Variants in BAZ1B observed in about 807,000 individuals in gnomAD.
The protein encoded by BAZ1B is bromodomain adjacent to zinc finger domain 1B.
A neutral mutation model predicts 153.8 loss-of-function variants in BAZ1B; 22 were observed. That is an observed-to-expected ratio of 0.14 (90% CI 0.10 to 0.20). The LOEUF is 0.20. Ranked by LOEUF, BAZ1B falls within the 10% of genes least tolerant of loss-of-function variation. The pLI, the probability that BAZ1B is intolerant of heterozygous loss-of-function variation, is 1.00. For missense variants in BAZ1B, 1,325 were observed against 1,799.3 expected (o/e 0.74, Z 4.77); for synonymous variants, 676 against 633.4 (o/e 1.07, Z -1.01).
chr7:73,456,329 G>T (rs554541884), intron 13 of BAZ1B, among the ~76,000 whole-genome samples: 1 of 152,296 alleles, frequency 6.6e-6, no homozygotes, highest in Admixed American at 6.5e-5. Context: ...CAAATGAAAT[G>T]CTTGTATGCA....
intron 5 of BAZ1B, among the ~76,000 whole-genome samples, chr7:73,490,299 A>G (rs1454146944): frequency 6.6e-6 from 1 of 152,236 alleles, no homozygotes; most frequent in African/African-American, 2.4e-5. Flanking sequence ...TGTTTAGCAC[A>G]CAATAAATGA....
intron 13 of BAZ1B, among the ~76,000 whole-genome samples, chr7:73,455,175 G>A (rs1399538657): frequency 1.3e-5 from 2 of 151,714 alleles, no homozygotes; most frequent in Non-Finnish European, 2.9e-5. Context: ...GTGAGCCACC[G>A]CACCTGGTCC....
intron 6 of BAZ1B, among the ~76,000 whole-genome samples, chr7:73,479,421 T>C (rs762527258): frequency 6.6e-5 from 10 of 150,722 alleles, no homozygotes; most frequent in South Asian, 4.2e-4. Context: ...AGGCTCGAAA[T>C]TGCTTGAACC....
intron 13 of BAZ1B, among the ~76,000 whole-genome samples, chr7:73,452,651 G>C (rs1554568550): frequency 6.6e-6 from 1 of 151,586 alleles, no homozygotes; most frequent in Non-Finnish European, 1.5e-5. Flanking sequence ...GAACCCGGGA[G>C]GCGGAGGCTG....
Position 73,465,431 on chromosome 7 carries a change from C to T in BAZ1B, c.3071+8G>A, listed in dbSNP as rs781976028. 2.6e-6 allele frequency: 4 copies of T among 1,563,458 alleles called. No individual in the cohort carries two copies. The highest frequency in any genetic ancestry group is 1.7e-4 in the Middle Eastern group (1 of 5,896). On this transcript the variant is annotated splice_region_variant and intron_variant, in intron 11 of 19. Coordinates refer to ENST00000339594, the MANE Select transcript of BAZ1B (RefSeq NM_032408.4). Reference sequence around the variant, plus strand: ...TAAGATGTGAGGAGTAAGATGAAAACCTCTTACCTCTTCTCTAGTCTCTCT... The same window carrying T: ...TAAGATGTGAGGAGTAAGATGAAAATCTCTTACCTCTTCTCTAGTCTCTCT...
At chr7:73,515,769 T>A (rs1790774074) in intron 1 of BAZ1B, among the ~76,000 whole-genome samples, 1 of 152,146 alleles carries the variant, frequency 6.6e-6, no homozygotes. Context: ...CTCAAATTCC[T>A]GGGCTCAAGC....
intron 3 of BAZ1B, among the ~76,000 whole-genome samples, chr7:73,500,613 G>T (rs375996048): frequency 6.7e-6 from 1 of 149,928 alleles, no homozygotes; most frequent in Non-Finnish European, 1.5e-5. Flanking sequence ...AAACCAAGCC[G>T]GGCACAGTGG....
At chr7:73,462,541 C>G (rs1381791385) in intron 12 of BAZ1B, 1 of 248,796 alleles carries the variant, frequency 4.0e-6, no homozygotes, top group African/African-American at 2.4e-5. Context: ...GAAATCTGAG[C>G]TGACTGAGTG....
intron 1 of BAZ1B, among the ~76,000 whole-genome samples, chr7:73,514,614 A>G (rs1427623830): frequency 6.6e-6 from 1 of 151,966 alleles, no homozygotes; most frequent in Non-Finnish European, 1.5e-5. Context: ...GTTCAAGAGC[A>G]GCCTGGGCAA....
chr7:73,462,061 C>G (rs1209317605), intron 12 of BAZ1B, among the ~76,000 whole-genome samples: 1 of 152,170 alleles, frequency 6.6e-6, no homozygotes, highest in East Asian at 1.9e-4. Flanking sequence ...GCCAACATGC[C>G]CCGTCTCTAC....
At chr7:73,492,399 T>C (rs1218032914) in intron 5 of BAZ1B, among the ~76,000 whole-genome samples, 1 of 151,900 alleles carries the variant, frequency 6.6e-6, no homozygotes, top group African/African-American at 2.4e-5. Flanking sequence ...CCTGACCTCA[T>C]GATCCGCCCA....
At chr7:73,460,946 CCTAT>C (rs562892096) in intron 12 of BAZ1B, among the ~76,000 whole-genome samples, 311 of 151,806 alleles carry the variant, frequency 2.0e-3, no homozygotes, top group Non-Finnish European at 3.3e-3. Flanking sequence ...TATAACAAGA[CCTAT>C]CTCTCTCTTT....
intron 19 of BAZ1B, 48 bp downstream of exon 19, chr7:73,442,133 G>A (rs1165629660): frequency 9.2e-6 from 6 of 651,890 alleles, no homozygotes; most frequent in South Asian, 6.9e-5. Flanking sequence ...TTCCTCGCTC[G>A]CCTCCCTCCC....
chr7:73,479,952 A>G (rs564596584), intron 6 of BAZ1B, among the ~76,000 whole-genome samples: 1 of 152,046 alleles, frequency 6.6e-6, no homozygotes, highest in Admixed American at 6.5e-5. Context: ...GGCTGATCAC[A>G]AGGTCAGGAG....
chr7:73,463,256 T>TC (rs1788460422), intron 11 of BAZ1B, among the ~76,000 whole-genome samples, 157 bp from the exon 12 acceptor site: 2 of 148,434 alleles, frequency 1.3e-5, no homozygotes, highest in African/African-American at 5.1e-5. Context: ...TTTTTTTTTT[T>TC]TCCCCCGAGA....
rs572469264 is a variant in BAZ1B, at chr7:73,450,052, C to CTT, written c.3581-365_3581-364dup. Among the ~76,000 whole-genome samples, 1 of 146,020 alleles carries CTT rather than the reference C, an allele frequency of 6.8e-6. No individual in the cohort carries two copies. Among genetic ancestry groups the CTT allele is most frequent in the African/African-American group, 2.5e-5 (1 of 39,962 alleles). ...TGCCTGATGAGTGTTCTCTCTCTCTCTTTTTTTTTTTTGGAGACAGAGTCT... is the reference window on the plus strand; with the variant it reads ...TGCCTGATGAGTGTTCTCTCTCTCTCTTTTTTTTTTTTTTGGAGACAGAGTCT... On this transcript the variant is annotated intron_variant, in intron 14 of 19. Coordinates refer to ENST00000339594, the MANE Select transcript of BAZ1B (RefSeq NM_032408.4). This position sits in a 1 kb window ranked among gnomAD's most constrained non-coding sequence, Gnocchi z 4.1.
rs143968190 is a variant in BAZ1B, at chr7:73,473,708, C to T, written c.2593+3160G>A. Among the ~76,000 whole-genome samples, 1,184 of 152,156 alleles carry T rather than the reference C, an allele frequency of 7.8e-3. 17 individuals are homozygous for T. Among genetic ancestry groups the T allele is most frequent in the African/African-American group, 0.028 (1,160 of 41,492 alleles). On this transcript the variant is annotated intron_variant, in intron 7 of 19. Coordinates refer to ENST00000339594, the MANE Select transcript of BAZ1B (RefSeq NM_032408.4). ...TTTCTAATGAAAGAACTATTCAAGC[C>T]GGGGTTTGGTGGCTCAGGCCTGTAA...
At chr7:73,501,587 C>T (rs1790135346) in intron 3 of BAZ1B, among the ~76,000 whole-genome samples, 2 of 152,120 alleles carry the variant, frequency 1.3e-5, no homozygotes, top group African/African-American at 4.8e-5. Context: ...ATGCACAGGA[C>T]AGCACCCACT....
At chr7:73,448,308 A>T (rs1193442591) in intron 15 of BAZ1B, among the ~76,000 whole-genome samples, 1 of 152,224 alleles carries the variant, frequency 6.6e-6, no homozygotes, top group African/African-American at 2.4e-5. Flanking sequence ...CCGTCTCAAA[A>T]AAGAAGCCCA....
Sources: gnomAD v4.1 joint callset for allele counts (sites outside exome capture counted in the v4.1 genomes callset) on GRCh38, gnomAD v4.1.1 for gene constraint, Gnocchi (gnomAD v3.1) non-coding constraint, MANE v1.5 for transcripts, NCBI Gene and HGNC (gene_info 2026-07-23, HGNC 2026-07-21) for gene names.